The following BAIAP3 variants were observed in gnomAD, a reference collection of about 807,000 sequenced individuals.
BAIAP3 encodes BAI1-associated protein 3.
A neutral mutation model predicts 149.7 loss-of-function variants in BAIAP3; 180 were observed. The observed-to-expected ratio is 1.20, with a 90% CI of 1.07 to 1.36. The LOEUF (loss-of-function observed/expected upper bound fraction) is 1.36. BAIAP3 is among the 40% of genes most tolerant of loss of function. The pLI is 0.00. For synonymous variants in BAIAP3, 845 were observed against 670.7 expected (o/e 1.26, Z -4.02); for missense variants, 1,767 against 1,563.4 (o/e 1.13, Z -2.20).
Position 1,344,538 on chromosome 16 carries a change from G to C in BAIAP3, c.1659+13G>C. ...TCCCCGAGAGCAGGTGCAGTTGTGG[G>C]GGACCCTGGCCATGAGGGGTACGGG... On this transcript the variant is annotated intron_variant, in intron 18 of 33. Coordinates refer to ENST00000426824, the MANE Select transcript of BAIAP3 (RefSeq NM_001199097.2). The C allele has an allele frequency of 6.2e-7, 1 of 1,612,848 alleles. No homozygotes were observed. The highest frequency in any genetic ancestry group is 8.5e-7 in the Non-Finnish European group (1 of 1,179,936).
rs1186787333 is a variant in BAIAP3, at chr16:1,346,273, T to G, written c.2405T>G (p.Leu802Arg). The change falls in exon 25 of 34, where the codon CTC (leucine) becomes CGC (arginine). Residue 802 changes from leucine to arginine, a missense_variant. Leu to Arg is a moderately radical substitution (Grantham distance 102, BLOSUM62 -2). Transcript: ENST00000426824. Reference protein sequence around the residue: ...PEGATGPEGVLPRPLLSCTQA... With the variant: ...PEGATGPEGVRPRPLLSCTQA... ...GGGGCCACGGGGCCCGAGGGGGTGC[T>G]CCCCCGCCCTCTGCTCAGCTGCACA... 5 of 1,608,332 alleles carry G rather than the reference T, an allele frequency of 3.1e-6. No individual in the cohort carries two copies. The highest frequency in any genetic ancestry group is 4.2e-6 in the Non-Finnish European group (5 of 1,177,270).
chr16:1,346,718 G>T, intron 27 of BAIAP3, 34 bp downstream of exon 27: 2 of 1,511,366 alleles, frequency 1.3e-6, no homozygotes, highest in Non-Finnish European at 1.8e-6. Flanking sequence ...GGCTGGGCTG[G>T]CCCGTGGTCA....
In BAIAP3 at chr16:1,348,194, C is replaced by T. The variant is rs564941772; in HGVS notation, c.3248C>T (p.Ala1083Val). Residue 1083 changes from alanine to valine, a missense_variant, in exon 33 of 34, where the codon GCG becomes GTG. Ala to Val is a moderately conservative substitution (Grantham distance 64). Transcript: ENST00000426824. Reference sequence around the variant, plus strand: ...TCCACCAACGACTTCGCTGGGGAGGCGGCCCTCGGCCTAGGTGGCGTCACT... The same window carrying T: ...TCCACCAACGACTTCGCTGGGGAGGTGGCCCTCGGCCTAGGTGGCGTCACT... ...WLSTNDFAGE[A>V]ALGLGGVTGV... is the part of the protein sequence containing the mutation. The T allele has an allele frequency of 4.4e-5, 71 of 1,608,950 alleles. No homozygotes were observed. The highest frequency in any genetic ancestry group is 2.8e-4 in the African/African-American group (21 of 75,050).
intron 1 of BAIAP3, chr16:1,334,751 G>C: frequency 5.8e-6 from 9 of 1,551,578 alleles, no homozygotes; most frequent in East Asian, 2.4e-5. Flanking sequence ...CCATCTGGAG[G>C]AGTCGGTGAG....
At position 1,338,555 on chromosome 16, in the gene BAIAP3, G is replaced by A. The variant is rs755762746; in HGVS notation, c.6G>A (p.Ser2=). The part of the protein sequence containing the change: M[S]TLLDIKSSVL... ...TCTGCTGTAGGTCACCCGCCATGTCGACCTTGCTGGACATTAAGAGCAGCG... is the reference window on the plus strand; with the variant it reads ...TCTGCTGTAGGTCACCCGCCATGTCAACCTTGCTGGACATTAAGAGCAGCG... Residue 2 remains serine (S), a synonymous_variant, in exon 2 of 34, where the codon TCG becomes TCA. Coordinates refer to ENST00000426824, the MANE Select transcript of BAIAP3 (RefSeq NM_001199097.2). 20 of 1,608,782 alleles carry A rather than the reference G, an allele frequency of 1.2e-5. No individual in the cohort carries two copies. Among genetic ancestry groups the A allele is most frequent in the South Asian group, 2.2e-5 (2 of 90,614 alleles).
chr16:1,343,566 C>G (rs1247367093), intron 15 of BAIAP3, 53 bp downstream of exon 15: 1 of 1,592,116 alleles, frequency 6.3e-7, no homozygotes, highest in Admixed American at 1.7e-5. Context: ...GTGCTGGGGA[C>G]TGGGGTCGCT....
rs1356517013 is a variant in BAIAP3 at position 1,344,606 on chromosome 16, A to C, written c.1665A>C (p.Gly555=). ...CGAGCTAGGCTTCCTTGCAGCCAGG[A>C]CCACAGCGCCTGCCTGGGCTGGTTG... ...LNDKSPREQP[G]PQRLPGLVVL... is the part of the protein sequence containing the mutation. The change falls in exon 19 of 34, where the codon GGA becomes GGC. Residue 555 remains glycine, a synonymous_variant. Transcript: ENST00000426824. 9 of 1,612,786 alleles carry C rather than the reference A, an allele frequency of 5.6e-6. No homozygotes were observed. Among genetic ancestry groups the C allele is most frequent in the Non-Finnish European group, 7.6e-6 (9 of 1,179,962 alleles).
rs374589515 is a variant in BAIAP3 at position 1,344,210 on chromosome 16, G to A, written c.1512-17G>A. ...CTGGCAGGGCAGGCCCCACGTCAGC[G>A]TGCTGCCCCCACCCAGGTGTCTGGG... On this transcript the variant is annotated splice_polypyrimidine_tract_variant and intron_variant, in intron 16 of 33. Transcript: ENST00000426824. 1.1e-5 allele frequency: 18 copies of A among 1,612,892 alleles called. No individual in the cohort carries two copies. The African/African-American group carries it at 1.2e-4, about 11-fold the overall frequency.
rs1237976890 is a variant in BAIAP3 at position 1,344,416 on chromosome 16, C to T, written c.1603-53C>T. 1.1e-5 allele frequency: 17 copies of T among 1,611,420 alleles called. 1 individual carries two copies. The South Asian group carries it at 1.4e-4, about 14-fold the overall frequency. ...CCTCTGCACCACGGTCTCTTGCCCACCTCTTCCTCTTCCCTGCAATCCACC... is the reference window on the plus strand; with the variant it reads ...CCTCTGCACCACGGTCTCTTGCCCATCTCTTCCTCTTCCCTGCAATCCACC... On this transcript the variant is annotated intron_variant, in intron 17 of 33. Transcript: ENST00000426824.
At chr16:1,340,117 G>A (rs1252034099) in intron 5 of BAIAP3, among the ~76,000 whole-genome samples, 2 of 141,476 alleles carry the variant, frequency 1.4e-5, no homozygotes, top group African/African-American at 5.4e-5. Context: ...GGCTGCAGGT[G>A]CACACAGATG....
chr16:1,334,755 C>T (rs1308387704), intron 1 of BAIAP3: 6 of 1,551,114 alleles, frequency 3.9e-6, no homozygotes, highest in African/African-American at 1.4e-5. Flanking sequence ...CTGGAGGAGT[C>T]GGTGAGACCA....
In BAIAP3 at chr16:1,348,050, G is replaced by A. The variant is rs368719933; in HGVS notation, c.3149+33G>A. 8.9e-5 allele frequency: 139 copies of A among 1,568,612 alleles called. No individual in the cohort carries two copies. The African/African-American group carries it at 1.9e-3, about 21-fold the overall frequency. ...TCCTAAGCCCCAGCCCCAGCCCCAGGCTCCAGGCTGCCGGAGCGAGACTCC... is the reference window on the plus strand; with the variant it reads ...TCCTAAGCCCCAGCCCCAGCCCCAGACTCCAGGCTGCCGGAGCGAGACTCC... On this transcript the variant is annotated intron_variant, in intron 32 of 33. Transcript: ENST00000426824.
In BAIAP3 at chr16:1,345,219, G is replaced by A. The variant is rs762564692; in HGVS notation, c.1941-30G>A. The A allele has an allele frequency of 6.8e-6, 11 of 1,611,244 alleles. No homozygotes were observed. The African/African-American group carries it at 1.5e-4, about 22-fold the overall frequency. Reference sequence around the variant, plus strand: ...GTGCTGGTTAAGGTGTCTGAGTCAGGGCCGAGCCCTCACAACCCTCCCACC... The same window carrying A: ...GTGCTGGTTAAGGTGTCTGAGTCAGAGCCGAGCCCTCACAACCCTCCCACC... On this transcript the variant is annotated intron_variant, in intron 21 of 33. Transcript: ENST00000426824.
chr16:1,346,220 G>C lies in BAIAP3; in HGVS notation c.2352G>C (p.Gln784His). 1.2e-6 allele frequency: 2 copies of C among 1,612,324 alleles called. No individual in the cohort carries two copies. The highest frequency in any genetic ancestry group is 1.7e-6 in the Non-Finnish European group (2 of 1,179,804). Residue 784 changes from glutamine to histidine, a missense_variant, in exon 25 of 34, where the codon CAG becomes CAC. Transcript: ENST00000426824. Reference sequence around the variant, plus strand: ...AGCTCGTGCGCAAGGCTGCTGGGCAGGCCTTGAAGGGCCTGGCATGGCCAG... The same window carrying C: ...AGCTCGTGCGCAAGGCTGCTGGGCACGCCTTGAAGGGCCTGGCATGGCCAG... ...NVELVRKAAG[Q>H]ALKGLAWPEG...
At chr16:1,343,143 T>C (rs1309820812) in intron 14 of BAIAP3, 127 bp downstream of exon 14, 5 of 1,115,450 alleles carry the variant, frequency 4.5e-6, no homozygotes, top group South Asian at 4.5e-5. Context: ...CGGTGCTGAG[T>C]AGGTGGGGCT....
chr16:1,345,401 G>T (rs1411469992), intron 22 of BAIAP3, 29 bp downstream of exon 22: 1 of 1,498,682 alleles, frequency 6.7e-7, no homozygotes, highest in South Asian at 1.1e-5. Context: ...TGAGGACACT[G>T]GGGCTGGTCC....
chr16:1,348,039 C>T (rs1406278832), intron 32 of BAIAP3, 22 bp downstream of exon 32: 8 of 1,598,152 alleles, frequency 5.0e-6, no homozygotes, highest in Non-Finnish European at 6.8e-6. Context: ...AAGCCCCAGC[C>T]CCAGCCCCAG....
chr16:1,334,949 C>T (rs1163177331), intron 1 of BAIAP3, among the ~76,000 whole-genome samples: 1 of 152,160 alleles, frequency 6.6e-6, no homozygotes. Context: ...TAACCCCCTG[C>T]CCCAAATGTG....
At chr16:1,343,365 C>A (rs2034069380) in intron 14 of BAIAP3, 28 bp from the exon 15 acceptor site, 1 of 1,570,976 alleles carries the variant, frequency 6.4e-7, no homozygotes, top group East Asian at 2.3e-5. Flanking sequence ...GGGGTTCATA[C>A]CCTTTGACCA....
Sources: gnomAD v4.1 joint callset for allele counts (sites outside exome capture counted in the v4.1 genomes callset) on GRCh38, gnomAD v4.1.1 for gene constraint, MANE v1.5 for transcripts, NCBI Gene and HGNC (gene_info 2026-07-23, HGNC 2026-07-21) for gene names.